MYOM1: variants seen among roughly 807,000 people sequenced by gnomAD.
The protein encoded by MYOM1 is myomesin 1.
In MYOM1, 164 loss-of-function variants were observed where a neutral mutation model predicts 205.3. The observed-to-expected ratio is 0.80, with a 90% CI of 0.70 to 0.91. MYOM1 has a LOEUF of 0.91. Ranked by LOEUF, MYOM1 falls within the 40% of genes least tolerant of loss-of-function variation. The pLI is 0.00. For synonymous variants in MYOM1, 772 were observed against 789.4 expected (o/e 0.98, Z 0.37); for missense variants, 2,011 against 2,127.3 (o/e 0.95, Z 1.08).
Position 3,108,191 on chromosome 18 carries a change from G to A in MYOM1, c.3418+4107C>T, listed in dbSNP as rs1330438196. Among the ~76,000 whole-genome samples, 11 of 152,222 alleles carry A rather than the reference G, an allele frequency of 7.2e-5. No homozygotes were observed. The South Asian group carries it at 1.7e-3, about 23-fold the overall frequency. Reference sequence around the variant, plus strand: ...TTTGACTGATAACTCTAGGTCTCTCGCTTCAGCTGGCCTCAGGTCAATTAA... The same window carrying A: ...TTTGACTGATAACTCTAGGTCTCTCACTTCAGCTGGCCTCAGGTCAATTAA... On this transcript the variant is annotated intron_variant, in intron 22 of 37. Transcript: ENST00000356443.
At chr18:3,180,990 G>A (rs2080721736) in intron 5 of MYOM1, among the ~76,000 whole-genome samples, 1 of 150,820 alleles carries the variant, frequency 6.6e-6, no homozygotes, top group Non-Finnish European at 1.5e-5. Context: ...GCAGTGGCAC[G>A]ATCTGTGCTC....
chr18:3,088,122 C>T (rs1179830788), intron 29 of MYOM1, among the ~76,000 whole-genome samples: 1 of 152,146 alleles, frequency 6.6e-6, no homozygotes, highest in Non-Finnish European at 1.5e-5. Context: ...CCCTTGGTTG[C>T]TCAGAATCTG....
intron 19 of MYOM1, among the ~76,000 whole-genome samples, chr18:3,124,089 G>A (rs889979104): frequency 2.0e-5 from 3 of 151,068 alleles, no homozygotes; most frequent in South Asian, 2.1e-4. Flanking sequence ...CCCCCACCTC[G>A]GCCTCCCAAA....
At chr18:3,241,082 A>T in the MYOM1 span, among the ~76,000 whole-genome samples, 1 of 152,218 alleles carries the variant, frequency 6.6e-6, no homozygotes, top group Admixed American at 6.5e-5. Context: ...GCAGAGCATG[A>T]AAGTCTGGAA....
At chr18:3,116,086 G>A (rs2079600713) in intron 21 of MYOM1, among the ~76,000 whole-genome samples, 1 of 152,158 alleles carries the variant, frequency 6.6e-6, no homozygotes, top group Non-Finnish European at 1.5e-5. Flanking sequence ...AGGAGAGAAA[G>A]GAGAGAGGAA....
At chr18:3,078,507 G>A (rs1598649519) in intron 34 of MYOM1, among the ~76,000 whole-genome samples, 1 of 151,974 alleles carries the variant, frequency 6.6e-6, no homozygotes, top group African/African-American at 2.4e-5. Context: ...TTGGCTCACA[G>A]CAGCCTCAAC....
At chr18:3,119,397 G>C (rs916132804) in intron 20 of MYOM1, among the ~76,000 whole-genome samples, 1 of 152,140 alleles carries the variant, frequency 6.6e-6, no homozygotes, top group Non-Finnish European at 1.5e-5. Flanking sequence ...ACATAGCTTG[G>C]GTATGGAGGG....
At chr18:3,110,249 A>T (rs2079506780) in intron 22 of MYOM1, among the ~76,000 whole-genome samples, 1 of 151,602 alleles carries the variant, frequency 6.6e-6, no homozygotes, top group Non-Finnish European at 1.5e-5. Context: ...GTGTGTGGTG[A>T]TGTTTAAAAA....
intron 23 of MYOM1, among the ~76,000 whole-genome samples, chr18:3,102,065 G>T (rs921050946): frequency 3.5e-4 from 49 of 138,324 alleles, no homozygotes; most frequent in African/African-American, 1.3e-3. Context: ...GCAGTGGCGC[G>T]ATCTCGGCTC....
At chr18:3,116,089 G>C (rs939578221) in intron 21 of MYOM1, among the ~76,000 whole-genome samples, 1 of 152,180 alleles carries the variant, frequency 6.6e-6, no homozygotes, top group Non-Finnish European at 1.5e-5. Flanking sequence ...AGAGAAAGGA[G>C]AGAGGAAGGA....
At chr18:3,207,111 C>T (rs2081133491) in intron 2 of MYOM1, among the ~76,000 whole-genome samples, 1 of 151,766 alleles carries the variant, frequency 6.6e-6, no homozygotes, top group Admixed American at 6.6e-5. Flanking sequence ...ATTTTCCTTG[C>T]TTTTTCAGTA....
At chr18:3,231,169 G>A in the MYOM1 span, among the ~76,000 whole-genome samples, 947 of 152,298 alleles carry the variant, frequency 6.2e-3, 11 homozygotes, top group South Asian at 0.03. Context: ...TGAATGGCCT[G>A]GGCCAAAAAG....
chr18:3,175,586 T>C (rs1187878890), intron 6 of MYOM1, among the ~76,000 whole-genome samples: 1 of 152,178 alleles, frequency 6.6e-6, no homozygotes, highest in Non-Finnish European at 1.5e-5. Flanking sequence ...GGAAAGAACA[T>C]TATCTCCAAG....
chr18:3,184,494 T>G (rs2080782702), intron 5 of MYOM1, among the ~76,000 whole-genome samples: 1 of 152,232 alleles, frequency 6.6e-6, no homozygotes, highest in Admixed American at 6.5e-5. Context: ...TGTCCAAGTT[T>G]CAGCTTTACC....
chr18:3,213,310 C>A (rs1249101313), intron 2 of MYOM1, among the ~76,000 whole-genome samples: 1 of 152,068 alleles, frequency 6.6e-6, no homozygotes, highest in African/African-American at 2.4e-5. Flanking sequence ...ATGTTTATAG[C>A]AAAAAATGCA....
chr18:3,075,419 A>G (rs1190366642), intron 36 of MYOM1, 35 bp downstream of exon 36: 1 of 1,589,056 alleles, frequency 6.3e-7, no homozygotes, highest in African/African-American at 1.3e-5. Flanking sequence ...CTATCCCAGG[A>G]GTACTTGTGA....
At chr18:3,087,173 G>A (rs760881786) in intron 29 of MYOM1, among the ~76,000 whole-genome samples, 1 of 152,180 alleles carries the variant, frequency 6.6e-6, no homozygotes, top group African/African-American at 2.4e-5. Context: ...GGACCCAGAG[G>A]ACTAGAAATG....
In MYOM1 at chr18:3,135,894, C is replaced by T. The variant is rs1054764988; in HGVS notation, c.2026-164G>A. 7.9e-5 allele frequency among the ~76,000 whole-genome samples: 12 copies of T among 152,126 alleles called. No homozygotes were observed. The highest frequency in any genetic ancestry group is 1.6e-4 in the Non-Finnish European group (11 of 68,034). On this transcript the variant is annotated intron_variant, in intron 14 of 37. Coordinates refer to ENST00000356443, the MANE Select transcript of MYOM1 (RefSeq NM_003803.4). This position sits in a 1 kb window ranked among gnomAD's most constrained non-coding sequence, Gnocchi z 4.1. ...AATAGGGGATGAGGCATCTGAAGTT[C>T]GTAGGATTCTCTAAATCAAACTTGG...
chr18:3,083,434 T>TC (rs1469407687), intron 33 of MYOM1, among the ~76,000 whole-genome samples: 2 of 137,260 alleles, frequency 1.5e-5, no homozygotes, highest in Non-Finnish European at 1.6e-5. Flanking sequence ...TTTCTTTTTT[T>TC]TTTTTTTTTT....
Sources: allele counts gnomAD v4.1 joint callset (sites outside exome capture counted in the v4.1 genomes callset), GRCh38; gene constraint gnomAD v4.1.1; non-coding constraint Gnocchi (gnomAD v3.1); transcripts MANE v1.5; gene names NCBI Gene and HGNC (gene_info 2026-07-23, HGNC 2026-07-21).